The following PIK3CD variants were observed in gnomAD, a reference collection of about 807,000 sequenced individuals.
The protein encoded by PIK3CD is phosphatidylinositol 4,5-bisphosphate 3-kinase catalytic subunit delta isoform.
A neutral mutation model predicts 122.9 loss-of-function variants in PIK3CD; 20 were observed. The ratio of observed to expected loss-of-function variants is 0.16; its 90% CI spans 0.11 to 0.24. The LOEUF (loss-of-function observed/expected upper bound fraction) is 0.24, where lower values mean the gene tolerates loss of function less well. Among genes scored for constraint, PIK3CD ranks in the 10% least tolerant of loss-of-function variants. The pLI is 1.00. For missense variants in PIK3CD, 787 were observed against 1,406.3 expected (o/e 0.56, Z 7.04); for synonymous variants, 596 against 593.4 (o/e 1.00, Z -0.06).
chr1:9,653,920 T>C, intron 1 of PIK3CD: 3 of 1,366,644 alleles, frequency 2.2e-6, no homozygotes, highest in African/African-American at 1.5e-5. Context: ...TAAAACCCAG[T>C]TGTGGCTGAG....
At chr1:9,725,602 G>T (rs547399774) in intron 23 of PIK3CD, among the ~76,000 whole-genome samples, 2 of 151,482 alleles carry the variant, frequency 1.3e-5, no homozygotes, top group Admixed American at 6.6e-5. Flanking sequence ...TTCCAGGCCG[G>T]GTGCGGTGGC....
At chr1:9,648,370 A>G (rs1644626446), upstream of PIK3CD, among the ~76,000 whole-genome samples, 1 of 152,224 alleles carries the variant, frequency 6.6e-6, no homozygotes, top group African/African-American at 2.4e-5. Context: ...ATACATATTC[A>G]ATGAAGAATT....
At chr1:9,725,702 C>A (rs1218068573) in intron 23 of PIK3CD, among the ~76,000 whole-genome samples, 1 of 151,680 alleles carries the variant, frequency 6.6e-6, no homozygotes, top group Non-Finnish European at 1.5e-5. Flanking sequence ...CATGGTGAAA[C>A]CCTGTCTCTA....
intron 2 of PIK3CD, among the ~76,000 whole-genome samples, chr1:9,705,428 G>T (rs1442986383): frequency 6.6e-6 from 1 of 152,038 alleles, no homozygotes; most frequent in East Asian, 1.9e-4. Context: ...AGCCTGGGAG[G>T]TTGAGGCTGC....
chr1:9,724,965 C>T lies in PIK3CD; in HGVS notation c.2997+29C>T, dbSNP rs939663498. On this transcript the variant is annotated intron_variant, in intron 23 of 23. Coordinates refer to ENST00000377346, the MANE Select transcript of PIK3CD (RefSeq NM_005026.5). This position sits in a 1 kb window ranked among gnomAD's most constrained non-coding sequence, Gnocchi z 7.3. ...TGTGCCGGGCAGGAGACTGCTGTCG[C>T]CAGTGGACTTCCAAGGCCTGCCCCC... 1 of 1,612,744 alleles carries T rather than the reference C, an allele frequency of 6.2e-7. No homozygotes were observed. The highest frequency in any genetic ancestry group is 1.3e-5 in the African/African-American group (1 of 75,060).
At position 9,719,123 on chromosome 1, in the gene PIK3CD, T is replaced by C. The variant is rs1226200103; in HGVS notation, c.1242+208T>C. Among the ~76,000 whole-genome samples the C allele has an allele frequency of 6.6e-6, 1 of 152,260 alleles. No individual in the cohort carries two copies. Among genetic ancestry groups the C allele is most frequent in the East Asian group, 1.9e-4 (1 of 5,198 alleles). The stretch of plus-strand genomic sequence containing the variant: ...CTCTGGGCTCCTGGGCTCCTGTGCA[T>C]GCGGCCTCAGAATATCTGGCCTGGG... On this transcript the variant is annotated intron_variant, in intron 9 of 23. Coordinates refer to ENST00000377346, the MANE Select transcript of PIK3CD (RefSeq NM_005026.5). This position sits in a 1 kb window ranked among gnomAD's most constrained non-coding sequence, Gnocchi z 5.5.
chr1:9,651,732 C>G lies in PIK3CD; in HGVS notation c.-208C>G, dbSNP rs1644675361. ...CCCCGCCTCCCTCCCTCGAGGCTCA[C>G]TCGCGCCCAGCGCAGTCGCTCCGAG... On this transcript the variant is annotated 5_prime_UTR_variant, in exon 1 of 24. Transcript: ENST00000377346. 1 of 152,076 alleles carries G rather than the reference C, an allele frequency of 6.6e-6. No individual in the cohort carries two copies. Among genetic ancestry groups the G allele is most frequent in the African/African-American group, 2.4e-5 (1 of 41,420 alleles). 9.4% of individuals were successfully genotyped at this position (152,076 alleles called of 1,614,324 possible).
chr1:9,669,245 T>C (rs1645250666), intron 1 of PIK3CD, among the ~76,000 whole-genome samples: 1 of 152,222 alleles, frequency 6.6e-6, no homozygotes, highest in Non-Finnish European at 1.5e-5. Flanking sequence ...CATAGCTCAT[T>C]GCAGCCTCAG....
At chr1:9,686,365 C>CTT (rs59087456) in intron 1 of PIK3CD, among the ~76,000 whole-genome samples, 87 of 137,684 alleles carry the variant, frequency 6.3e-4, no homozygotes, top group Middle Eastern at 3.8e-3. Flanking sequence ...GGCTAATTTT[C>CTT]TTTTTTTTTT....
rs1317490221 is a variant in PIK3CD, at chr1:9,728,982, TAA to T, written c.*1939_*1940del. 3 of 152,216 alleles carry T rather than the reference TAA, an allele frequency of 2.0e-5. No homozygotes were observed. Among genetic ancestry groups the T allele is most frequent in the Admixed American group, 6.5e-5 (1 of 15,280 alleles). 9.4% of individuals were successfully genotyped at this position (152,216 alleles called of 1,614,324 possible). A position where few individuals can be genotyped will look rare whatever the true frequency, so the allele number is the denominator to read the frequency against. ...AAAAAGAAACAAGGGAGTGTAGGTT[TAA>T]AACCAAAACAGGAGAGAAGACAAAC... On this transcript the variant is annotated 3_prime_UTR_variant, in exon 24 of 24. Transcript: ENST00000377346.
At chr1:9,644,002 A>T in the PIK3CD span, among the ~76,000 whole-genome samples, 3 of 152,214 alleles carry the variant, frequency 2.0e-5, no homozygotes, top group African/African-American at 7.2e-5. Context: ...GGGCTGAAGA[A>T]GTGGGCTTCT....
intron 1 of PIK3CD, among the ~76,000 whole-genome samples, chr1:9,675,324 T>C (rs1414933791): frequency 1.4e-5 from 2 of 142,408 alleles, no homozygotes; most frequent in African/African-American, 5.3e-5. Context: ...AGGCGGAGCT[T>C]GCAGTGAGCC....
the PIK3CD span, among the ~76,000 whole-genome samples, chr1:9,643,959 G>T: frequency 6.6e-6 from 1 of 152,200 alleles, no homozygotes; most frequent in Non-Finnish European, 1.5e-5. Flanking sequence ...CCAGGATGGG[G>T]CATGGAGGCA....
rs1160195279 is a variant in PIK3CD, at chr1:9,722,682, G to T, written c.2426+76G>T. ...AGTCTGTGCCCCTGGAGGGGTCCTT[G>T]TTGAAGGTGGCATGACCATCTCAGC... On this transcript the variant is annotated intron_variant, in intron 19 of 23. Transcript: ENST00000377346. This position sits in a 1 kb window ranked among gnomAD's most constrained non-coding sequence, Gnocchi z 7.6. 9 of 1,242,236 alleles carry T rather than the reference G, an allele frequency of 7.2e-6. No individual in the cohort carries two copies. Among genetic ancestry groups the T allele is most frequent in the Non-Finnish European group, 1.1e-5 (9 of 845,926 alleles). 77.0% of individuals were successfully genotyped at this position (1,242,236 alleles called of 1,614,324 possible).
intron 1 of PIK3CD, among the ~76,000 whole-genome samples, chr1:9,664,016 GTTTTCTTTCTTTCTTTTTCT>G (rs1645085027): frequency 6.9e-6 from 1 of 145,782 alleles, no homozygotes; most frequent in East Asian, 2.0e-4. Flanking sequence ...TGCACCCCTC[GTTTTCTTTCTTTCTTTTTCT>G]TTTTCTTTCT....
chr1:9,653,131 C>T (rs1166597693), intron 1 of PIK3CD: 1 of 152,216 alleles, frequency 6.6e-6, no homozygotes, highest in Non-Finnish European at 1.5e-5. Context: ...GCAATTATTC[C>T]TCTCTCAGGG....
intron 1 of PIK3CD, among the ~76,000 whole-genome samples, chr1:9,664,000 C>T (rs1310276952): frequency 6.6e-6 from 1 of 151,522 alleles, no homozygotes; most frequent in Non-Finnish European, 1.5e-5. Flanking sequence ...AGAGGTCCGA[C>T]TTCAATGCAC....
intron 1 of PIK3CD, among the ~76,000 whole-genome samples, chr1:9,675,034 AAAAG>A (rs1645467326): frequency 6.9e-6 from 1 of 145,118 alleles, no homozygotes; most frequent in Non-Finnish European, 1.5e-5. Context: ...AAAAAAAAAA[AAAAG>A]AGAGAGAGAG....
At chr1:9,684,452 G>T (rs954916690) in intron 1 of PIK3CD, among the ~76,000 whole-genome samples, 14 of 150,830 alleles carry the variant, frequency 9.3e-5, no homozygotes, top group African/African-American at 3.4e-4. Context: ...CAGGAGAATC[G>T]CTTGAACCCA....
Sources: gnomAD v4.1 joint callset for allele counts (sites outside exome capture counted in the v4.1 genomes callset) on GRCh38, gnomAD v4.1.1 for gene constraint, Gnocchi (gnomAD v3.1) non-coding constraint, MANE v1.5 for transcripts, NCBI Gene and HGNC (gene_info 2026-07-23, HGNC 2026-07-21) for gene names.